The following CNTNAP4 variants were observed in gnomAD, a reference collection of about 807,000 sequenced individuals.
CNTNAP4 encodes contactin associated protein family member 4, also known as contactin-associated protein-like 4.
A neutral mutation model predicts 148.4 loss-of-function variants in CNTNAP4; 98 were observed. The observed-to-expected ratio is 0.66, with a 90% CI of 0.56 to 0.78. The LOEUF (loss-of-function observed/expected upper bound fraction) is 0.78, where lower values mean the gene tolerates loss of function less well. Among genes scored for constraint, CNTNAP4 ranks in the 30% least tolerant of loss-of-function variants. CNTNAP4 has a pLI of 0.00. For missense variants in CNTNAP4, 1,935 were observed against 1,565.6 expected (o/e 1.24, Z -3.98); for synonymous variants, 730 against 565.1 (o/e 1.29, Z -4.14).
intron 8 of CNTNAP4, among the ~76,000 whole-genome samples, chr16:76,460,424 T>C (rs1164685765): frequency 6.6e-6 from 1 of 151,642 alleles, no homozygotes; most frequent in Non-Finnish European, 1.5e-5. Flanking sequence ...CTACTATTTC[T>C]ATGTAAGAAC....
chr16:76,393,653 G>A (rs142223921), intron 3 of CNTNAP4, among the ~76,000 whole-genome samples: 3 of 152,060 alleles, frequency 2.0e-5, no homozygotes, highest in African/African-American at 7.2e-5. Context: ...CATGGGGGGT[G>A]GGTGAGAGGA....
intron 15 of CNTNAP4, among the ~76,000 whole-genome samples, chr16:76,518,125 T>A (rs1041512755): frequency 6.6e-6 from 1 of 151,904 alleles, no homozygotes; most frequent in Non-Finnish European, 1.5e-5. Flanking sequence ...AAATTATTAT[T>A]TTATTTATTT....
chr16:76,360,124 G>A (rs1245863940), intron 3 of CNTNAP4, among the ~76,000 whole-genome samples: 1 of 152,162 alleles, frequency 6.6e-6, no homozygotes, highest in South Asian at 2.1e-4. Context: ...AACCTTTATT[G>A]CCTATATGAA....
In CNTNAP4 at chr16:76,477,474, C is replaced by T. The variant is rs562099554; in HGVS notation, c.1762+1429C>T. ...ACTATACACTGCATTGTGCTCCTGCCAGTGTTTGGAATCCTGGGCTCCCAG... is the reference window on the plus strand; with the variant it reads ...ACTATACACTGCATTGTGCTCCTGCTAGTGTTTGGAATCCTGGGCTCCCAG... On this transcript the variant is annotated intron_variant, in intron 11 of 23. Coordinates refer to ENST00000611870, the MANE Select transcript of CNTNAP4 (RefSeq NM_033401.5). 5.9e-5 allele frequency among the ~76,000 whole-genome samples: 9 copies of T among 152,266 alleles called. No individual in the cohort carries two copies. In the South Asian group the frequency reaches 1.9e-3, roughly 32 times the overall value.
At chr16:76,515,353 T>A (rs973063385) in intron 15 of CNTNAP4, among the ~76,000 whole-genome samples, 1 of 152,050 alleles carries the variant, frequency 6.6e-6, no homozygotes, top group Non-Finnish European at 1.5e-5. Flanking sequence ...TTTAAGGAGA[T>A]CATTAAGGTA....
chr16:76,398,839 C>T (rs987650834), intron 3 of CNTNAP4, among the ~76,000 whole-genome samples: 7 of 151,932 alleles, frequency 4.6e-5, no homozygotes, highest in Non-Finnish European at 1.0e-4. Context: ...TATATTTGTA[C>T]ATATATATAC....
chr16:76,554,379 G>T (rs1044640788), intron 23 of CNTNAP4, among the ~76,000 whole-genome samples: 14 of 152,186 alleles, frequency 9.2e-5, no homozygotes, highest in Non-Finnish European at 1.8e-4. Flanking sequence ...TATTTGCATA[G>T]TAAACTATTT....
intron 1 of CNTNAP4, among the ~76,000 whole-genome samples, chr16:76,299,442 G>A (rs910882800): frequency 6.6e-6 from 1 of 152,136 alleles, no homozygotes; most frequent in African/African-American, 2.4e-5. Flanking sequence ...AAACCACAAT[G>A]AGATACCATC....
At chr16:76,489,227 A>AT (rs1351457311) in intron 12 of CNTNAP4, among the ~76,000 whole-genome samples, 7 of 151,982 alleles carry the variant, frequency 4.6e-5, no homozygotes, top group Non-Finnish European at 8.8e-5. Flanking sequence ...TCTAATATAC[A>AT]TTTTTTTAAA....
At chr16:76,460,980 A>G (rs1161898783) in intron 8 of CNTNAP4, among the ~76,000 whole-genome samples, 2 of 151,456 alleles carry the variant, frequency 1.3e-5, no homozygotes, top group Non-Finnish European at 2.9e-5. Context: ...ATCTTGTTTT[A>G]TGTGTGTTTC....
intron 1 of CNTNAP4, among the ~76,000 whole-genome samples, chr16:76,300,074 A>G (rs528347498): frequency 1.7e-4 from 26 of 152,198 alleles, no homozygotes; most frequent in South Asian, 4.1e-4. Flanking sequence ...CAGCACACCA[A>G]CACGGCGCAT....
Position 76,449,738 on chromosome 16 carries a change from A to G in CNTNAP4, c.951A>G (p.Ala317=). 6.3e-7 allele frequency: 1 copy of G among 1,593,842 alleles called. No homozygotes were observed. ...AGATCAGCTTTGGAGGGATTCCAGC[A>G]CCTGGAAAATCAGTGTCATTCCCAC... ...DYEISFGGIP[A]PGKSVSFPHR... Residue 317 remains alanine (A), a synonymous_variant, in exon 7 of 24, where the codon GCA becomes GCG. Coordinates refer to ENST00000611870, the MANE Select transcript of CNTNAP4 (RefSeq NM_033401.5).
At chr16:76,278,242 A>C (rs1380521138) in intron 1 of CNTNAP4, among the ~76,000 whole-genome samples, 1 of 152,216 alleles carries the variant, frequency 6.6e-6, no homozygotes, top group Non-Finnish European at 1.5e-5. Context: ...ACTGAAATGT[A>C]CTGCAGGCTT....
chr16:76,278,330 G>A (rs543263194), intron 1 of CNTNAP4, among the ~76,000 whole-genome samples: 7 of 152,290 alleles, frequency 4.6e-5, no homozygotes, highest in South Asian at 4.1e-4. Context: ...GAGACTTAGC[G>A]CTCTCCGGAA....
chr16:76,392,924 T>A (rs1373335914), intron 3 of CNTNAP4, among the ~76,000 whole-genome samples: 4 of 152,210 alleles, frequency 2.6e-5, no homozygotes, highest in African/African-American at 9.7e-5. Context: ...CCCTGCTTTA[T>A]ACCTTGCCAT....
intron 17 of CNTNAP4, among the ~76,000 whole-genome samples, chr16:76,529,159 C>T (rs1340213706): frequency 6.6e-6 from 1 of 152,166 alleles, no homozygotes; most frequent in Non-Finnish European, 1.5e-5. Flanking sequence ...GATTCGCCTT[C>T]TCTTTGTAGC....
intron 14 of CNTNAP4, among the ~76,000 whole-genome samples, chr16:76,497,633 G>T (rs1021673584): frequency 5.9e-5 from 9 of 151,460 alleles, no homozygotes; most frequent in African/African-American, 1.7e-4. Context: ...CTCATAAGGG[G>T]GAGTTGAACA....
rs143077619 is a variant in CNTNAP4, at chr16:76,538,148, G to A, written c.3028G>A (p.Val1010Met). The change falls in exon 19 of 24, where the codon GTG becomes ATG. Residue 1010 changes from valine (V) to methionine (M), a missense_variant. Transcript: ENST00000611870. Reference sequence around the variant, plus strand: ...TGCATATTTTGGATCTGGCTCATCCGTGATATACAATTTTCAAGAAAATTA... The same window carrying A: ...TGCATATTTTGGATCTGGCTCATCCATGATATACAATTTTCAAGAAAATTA... The part of the protein sequence containing the change: ...ISAYFGSGSS[V>M]IYNFQENYLL... 289 of 1,576,084 alleles carry A rather than the reference G, an allele frequency of 1.8e-4. 1 individual carries two copies. The highest frequency in any genetic ancestry group is 8.4e-4 in the Middle Eastern group (5 of 5,958).
At chr16:76,485,842 G>GTCTT (rs1211054437) in intron 12 of CNTNAP4, among the ~76,000 whole-genome samples, 6 of 152,170 alleles carry the variant, frequency 3.9e-5, no homozygotes, top group Non-Finnish European at 2.9e-5. Flanking sequence ...TTCAAATGCA[G>GTCTT]TCTTATTTAC....
Sources: gnomAD v4.1 joint callset for allele counts (sites outside exome capture counted in the v4.1 genomes callset) on GRCh38, gnomAD v4.1.1 for gene constraint, MANE v1.5 for transcripts, NCBI Gene and HGNC (gene_info 2026-07-23, HGNC 2026-07-21) for gene names.